HP1BP3: variants seen among roughly 807,000 people sequenced by gnomAD.
HP1BP3 encodes heterochromatin protein 1 binding protein 3.
In HP1BP3, 12 loss-of-function variants were observed where a neutral mutation model predicts 62.5. The observed-to-expected ratio is 0.19, with a 90% confidence interval of 0.12 to 0.31. HP1BP3 has a LOEUF of 0.31. Ranked by LOEUF, HP1BP3 falls within the 10% of genes least tolerant of loss-of-function variation. HP1BP3 has a pLI of 1.00. For synonymous variants in HP1BP3, 260 were observed against 237.8 expected (o/e 1.09, Z -0.86); for missense variants, 502 against 651.8 (o/e 0.77, Z 2.50).
chr1:20,784,635 C>G (rs1358661578), intron 1 of HP1BP3, among the ~76,000 whole-genome samples: 15 of 151,890 alleles, frequency 9.9e-5, no homozygotes, highest in Non-Finnish European at 2.1e-4. Flanking sequence ...CGCCACGACA[C>G]CCAGCTAATT....
chr1:20,785,932 C>CT (rs1327773392), intron 1 of HP1BP3, among the ~76,000 whole-genome samples: 4 of 152,214 alleles, frequency 2.6e-5, no homozygotes, highest in Non-Finnish European at 4.4e-5. Context: ...TAATTTCACT[C>CT]TAAGACAAGA....
intron 1 of HP1BP3, among the ~76,000 whole-genome samples, chr1:20,783,792 AAAG>A (rs2057688285): frequency 6.6e-6 from 1 of 151,458 alleles, no homozygotes; most frequent in Non-Finnish European, 1.5e-5. Flanking sequence ...AAAAAAAAAA[AAAG>A]AGATGTTAGC....
intron 1 of HP1BP3, 108 bp from the exon 2 acceptor site, chr1:20,780,648 T>C (rs578177966): frequency 2.0e-5 from 11 of 562,204 alleles, no homozygotes; most frequent in Non-Finnish European, 2.5e-5. Context: ...ATAAAATTTA[T>C]AGGTAAGTGA....
intron 9 of HP1BP3, among the ~76,000 whole-genome samples, chr1:20,753,876 C>T (rs932653031): frequency 1.3e-5 from 2 of 152,156 alleles, no homozygotes; most frequent in African/African-American, 2.4e-5. Context: ...ACTTGCTCAA[C>T]CTGACAATAG....
chr1:20,769,531 C>A (rs1363158827), intron 6 of HP1BP3, among the ~76,000 whole-genome samples: 2 of 152,090 alleles, frequency 1.3e-5, no homozygotes, highest in Non-Finnish European at 2.9e-5. Context: ...GCACCCCAGC[C>A]TGGGCCAGAG....
chr1:20,782,824 T>C (rs1360001216), intron 1 of HP1BP3, among the ~76,000 whole-genome samples: 2 of 143,886 alleles, frequency 1.4e-5, no homozygotes, highest in Non-Finnish European at 3.0e-5. Flanking sequence ...CACTTGAACC[T>C]GGGAGGCGGA....
chr1:20,755,430 G>A (rs1369196339), intron 9 of HP1BP3: 1 of 448,382 alleles, frequency 2.2e-6, no homozygotes, highest in East Asian at 7.0e-5. Flanking sequence ...AAATTAATCA[G>A]GCATGGTGGT....
chr1:20,754,947 A>G (rs1251783847), intron 9 of HP1BP3, among the ~76,000 whole-genome samples: 1 of 152,224 alleles, frequency 6.6e-6, no homozygotes, highest in Non-Finnish European at 1.5e-5. Flanking sequence ...AGCAATTTTT[A>G]AAAATGATAA....
At chr1:20,765,355 A>C in intron 8 of HP1BP3, 22 bp downstream of exon 8, 1 of 1,524,686 alleles carries the variant, frequency 6.6e-7, no homozygotes, top group Admixed American at 2.2e-5. Context: ...CATGTTTTAA[A>C]GGCCAGGCCA....
At chr1:20,760,780 G>A (rs2056422544) in intron 8 of HP1BP3, among the ~76,000 whole-genome samples, 1 of 152,122 alleles carries the variant, frequency 6.6e-6, no homozygotes, top group African/African-American at 2.4e-5. Flanking sequence ...AGGTTGCAGT[G>A]AGCCGAGATC....
chr1:20,753,857 T>C (rs1445043442), intron 9 of HP1BP3, among the ~76,000 whole-genome samples: 1 of 152,104 alleles, frequency 6.6e-6, no homozygotes, highest in African/African-American at 2.4e-5. Context: ...GTAGTATATA[T>C]AGAAGGGAAC....
In HP1BP3 at chr1:20,742,599, G is replaced by A. The variant is rs982124125; in HGVS notation, c.*2198C>T. On this transcript the variant is annotated 3_prime_UTR_variant, in exon 13 of 13. Coordinates refer to ENST00000438032, the MANE Select transcript of HP1BP3 (RefSeq NM_001372052.1). Reference sequence around the variant, plus strand: ...GGTGTTCATTTCAAGGAGTAGAAAAGACTTAAAGTGAGGGCGACACTTAGC... The same window carrying A: ...GGTGTTCATTTCAAGGAGTAGAAAAAACTTAAAGTGAGGGCGACACTTAGC... 6.6e-6 allele frequency: 1 copy of A among 152,588 alleles called. No homozygotes were observed. Among genetic ancestry groups the A allele is most frequent in the African/African-American group, 2.4e-5 (1 of 41,424 alleles). 9.5% of individuals were successfully genotyped at this position (152,588 alleles called of 1,614,324 possible).
intron 8 of HP1BP3, among the ~76,000 whole-genome samples, chr1:20,761,722 A>G (rs2056494236): frequency 6.6e-6 from 1 of 152,236 alleles, no homozygotes; most frequent in South Asian, 2.1e-4. Flanking sequence ...ATGTGGACAT[A>G]AAAGATGAGA....
intron 1 of HP1BP3, among the ~76,000 whole-genome samples, chr1:20,782,583 A>G (rs1480186675): frequency 6.6e-6 from 1 of 150,656 alleles, no homozygotes; most frequent in Non-Finnish European, 1.5e-5. Flanking sequence ...AGCCTGCCTC[A>G]AGAAAAAAAA....
intron 1 of HP1BP3, among the ~76,000 whole-genome samples, chr1:20,786,949 G>A (rs957249101): frequency 6.6e-6 from 1 of 152,044 alleles, no homozygotes; most frequent in African/African-American, 2.4e-5. Context: ...GAGCGCGCGC[G>A]CCGGAGGGCC....
intron 9 of HP1BP3, among the ~76,000 whole-genome samples, chr1:20,756,071 G>A (rs565932040): frequency 6.6e-6 from 1 of 152,276 alleles, no homozygotes; most frequent in South Asian, 2.1e-4. Flanking sequence ...GACTGTGATA[G>A]TTGTACAATT....
rs1434507359 is a variant in HP1BP3 at position 20,744,850 on chromosome 1, A to G, written c.1609T>C (p.Leu537=). Residue 537 remains leucine, a synonymous_variant, in exon 13 of 13, where the codon TTG becomes CTG. Coordinates refer to ENST00000438032, the MANE Select transcript of HP1BP3 (RefSeq NM_001372052.1). ...ATGGTGGATTTGCCCTTGCCCGGCA[A>G]TTTTACTTCCTTTCTTGCACTGGTT... ...PATSARKEVK[L]PGKGKSTMKK... 1.2e-6 allele frequency: 2 copies of G among 1,613,750 alleles called. No individual in the cohort carries two copies. The highest frequency in any genetic ancestry group is 2.2e-5 in the East Asian group (1 of 44,880).
chr1:20,784,460 C>T (rs888823681), intron 1 of HP1BP3, among the ~76,000 whole-genome samples: 1 of 147,706 alleles, frequency 6.8e-6, no homozygotes, highest in Non-Finnish European at 1.5e-5. Flanking sequence ...ACAAATAAAA[C>T]TTATTTGTGT....
intron 1 of HP1BP3, among the ~76,000 whole-genome samples, chr1:20,784,065 G>A (rs1481216571): frequency 6.6e-6 from 1 of 152,040 alleles, no homozygotes; most frequent in Admixed American, 6.6e-5. Context: ...AACCTCCCAG[G>A]CTCAAGCGAC....
Sources: allele counts gnomAD v4.1 joint callset (sites outside exome capture counted in the v4.1 genomes callset), GRCh38; gene constraint gnomAD v4.1.1; transcripts MANE v1.5; gene names NCBI Gene and HGNC (gene_info 2026-07-23, HGNC 2026-07-21).